PCSK6: variants seen among roughly 807,000 people sequenced by gnomAD.
PCSK6 encodes the protein paired basic amino acid cleaving enzyme 4.
Under a neutral mutation model 123.3 loss-of-function variants are expected in PCSK6, and 85 were observed. That is an observed-to-expected ratio of 0.69 (90% CI 0.58 to 0.83). PCSK6 has a LOEUF of 0.83. PCSK6 is among the 40% of genes least tolerant of loss of function. PCSK6 has a pLI of 0.00. For missense variants in PCSK6, 1,191 were observed against 1,282.3 expected (o/e 0.93, Z 1.09); for synonymous variants, 508 against 516.0 (o/e 0.98, Z 0.21).
At chr15:101,340,320 A>C (rs1370185874) in intron 13 of PCSK6, among the ~76,000 whole-genome samples, 1 of 152,214 alleles carries the variant, frequency 6.6e-6, no homozygotes, top group Non-Finnish European at 1.5e-5. Flanking sequence ...AAAACCCTGA[A>C]AGATGGTATT....
intron 2 of PCSK6, among the ~76,000 whole-genome samples, chr15:101,433,304 C>A (rs191113484): frequency 5.3e-5 from 8 of 152,330 alleles, no homozygotes; most frequent in Admixed American, 2.0e-4. Flanking sequence ...CTCTTATCAT[C>A]CCGTGTACAC....
chr15:101,428,967 C>T (rs1025280631), intron 5 of PCSK6, among the ~76,000 whole-genome samples: 7 of 152,244 alleles, frequency 4.6e-5, no homozygotes, highest in Middle Eastern at 3.2e-3. Flanking sequence ...TTGGGACGTG[C>T]ATGAGGCTGG....
chr15:101,413,074 G>A (rs546308949), intron 6 of PCSK6, among the ~76,000 whole-genome samples: 69 of 152,162 alleles, frequency 4.5e-4, no homozygotes, highest in African/African-American at 1.5e-3. Context: ...AAAAGTTCTC[G>A]AAGAAATAAT....
rs142226809 is a variant in PCSK6 at position 101,364,910 on chromosome 15, A to G, written c.1858+1286T>C. 654 of 665,956 alleles carry G rather than the reference A, an allele frequency of 9.8e-4. 4 individuals are homozygous for G. Among genetic ancestry groups the G allele is most frequent in the African/African-American group, 9.4e-3 (546 of 57,880 alleles). The allele number at this position is 665,956 out of a possible 1,614,324, so 41.3% of individuals were successfully genotyped here. The stretch of plus-strand genomic sequence containing the variant: ...GCACTTTCTTATTTCAAAACTTACT[A>G]CAAAGCTACAGTGATCAAAACAATA... On this transcript the variant is annotated intron_variant, in intron 13 of 21. Transcript: ENST00000611716.
chr15:101,404,896 G>A (rs1448715019), intron 6 of PCSK6, among the ~76,000 whole-genome samples: 1 of 152,148 alleles, frequency 6.6e-6, no homozygotes, highest in Non-Finnish European at 1.5e-5. Flanking sequence ...TATAGGTGTT[G>A]AAATGCCTAT....
chr15:101,482,173 C>A (rs2141268368), intron 1 of PCSK6, among the ~76,000 whole-genome samples: 1 of 152,376 alleles, frequency 6.6e-6, no homozygotes, highest in Non-Finnish European at 1.5e-5. Context: ...GAAGGTGAGT[C>A]AGAGGGTGTG....
chr15:101,460,147 C>T (rs537183243), intron 1 of PCSK6, among the ~76,000 whole-genome samples: 2 of 152,190 alleles, frequency 1.3e-5, no homozygotes, highest in African/African-American at 4.8e-5. Context: ...AGACCCCCCA[C>T]GATGGCCTGG....
chr15:101,401,050 C>T lies in PCSK6; in HGVS notation c.824-2474G>A, dbSNP rs201224039. Among the ~76,000 whole-genome samples the T allele has an allele frequency of 4.6e-5, 7 of 152,164 alleles. No individual in the cohort carries two copies. The East Asian group carries it at 5.8e-4, about 13-fold the overall frequency. On this transcript the variant is annotated intron_variant, in intron 6 of 21. Transcript: ENST00000611716. The stretch of plus-strand genomic sequence containing the variant: ...GGAGAGGGAGGACCACTCTAGGGCT[C>T]GGCATGTTGACCTTAACACTTAGGT...
At position 101,443,644 on chromosome 15, in the gene PCSK6, T is replaced by C; in HGVS notation, c.314A>G (p.Asp105Gly). 6.2e-7 allele frequency: 1 copy of C among 1,613,552 alleles called. No individual in the cohort carries two copies. Among genetic ancestry groups the C allele is most frequent in the Non-Finnish European group, 8.5e-7 (1 of 1,179,476 alleles). ...TTTGCTGTGATAAAAATGGTAGTAATCTTCCAGGTTTCCAATCTGCAAGAC... is the reference window on the plus strand; with the variant it reads ...TTTGCTGTGATAAAAATGGTAGTAACCTTCCAGGTTTCCAATCTGCAAGAC... ...LNLGQIGNLE[D>G]YYHFYHSKTF... Residue 105 changes from aspartate to glycine, a missense_variant, in exon 2 of 22, where the codon GAT becomes GGT. Transcript: ENST00000611716.
intron 13 of PCSK6, chr15:101,365,940 A>G (rs1596239700): frequency 3.2e-6 from 1 of 309,178 alleles, no homozygotes; most frequent in Non-Finnish European, 5.9e-6. Context: ...CTTCATGGGT[A>G]TGGGGTTTCT....
intron 1 of PCSK6, among the ~76,000 whole-genome samples, chr15:101,452,802 G>A (rs896782375): frequency 3.3e-5 from 3 of 90,362 alleles, no homozygotes; most frequent in Non-Finnish European, 3.9e-5. Context: ...CCTTACAACT[G>A]ATAAAGACCG....
intron 2 of PCSK6, among the ~76,000 whole-genome samples, chr15:101,442,106 T>A (rs924555737): frequency 6.6e-6 from 1 of 152,206 alleles, no homozygotes; most frequent in Non-Finnish European, 1.5e-5. Context: ...TTAAATATAC[T>A]GGCCCCTTTG....
intron 16 of PCSK6, among the ~76,000 whole-genome samples, chr15:101,325,821 G>A (rs1406152913): frequency 3.3e-5 from 5 of 152,200 alleles, no homozygotes; most frequent in Admixed American, 6.5e-5. Flanking sequence ...AGCCTGAACC[G>A]GGCAACTGGC....
chr15:101,399,476 C>T (rs973745405), intron 6 of PCSK6, among the ~76,000 whole-genome samples: 1 of 152,110 alleles, frequency 6.6e-6, no homozygotes, highest in African/African-American at 2.4e-5. Context: ...CCAGCTTCCT[C>T]GAGAGCACCC....
intron 13 of PCSK6, among the ~76,000 whole-genome samples, chr15:101,349,107 CAGGGT>C (rs905547045): frequency 2.9e-4 from 44 of 152,210 alleles, no homozygotes; most frequent in African/African-American, 1.0e-3. Context: ...CACAGAAGCA[CAGGGT>C]AGAGTCAGGT....
rs374657690 is a variant in PCSK6, at chr15:101,304,611, G to T, written c.*647C>A. 6.6e-6 allele frequency: 1 copy of T among 152,348 alleles called. No individual in the cohort carries two copies. The highest frequency in any genetic ancestry group is 2.4e-5 in the African/African-American group (1 of 41,434). The allele number at this position is 152,348 out of a possible 1,614,324, so 9.4% of individuals were successfully genotyped here. On this transcript the variant is annotated 3_prime_UTR_variant, in exon 22 of 22. Coordinates refer to ENST00000611716, the MANE Select transcript of PCSK6 (RefSeq NM_002570.5). The stretch of plus-strand genomic sequence containing the variant: ...CTTGCTCAAAGGAGAGCGCTGCGGG[G>T]GATAGAATCTTCTGGTCTGGCTTTG...
chr15:101,425,350 C>T (rs1011808014), intron 6 of PCSK6, among the ~76,000 whole-genome samples: 2 of 152,158 alleles, frequency 1.3e-5, no homozygotes, highest in Non-Finnish European at 2.9e-5. Flanking sequence ...TCCTGGTTCT[C>T]CCTCCAAGCC....
At chr15:101,444,756 G>A (rs750891368) in intron 1 of PCSK6, among the ~76,000 whole-genome samples, 3 of 152,126 alleles carry the variant, frequency 2.0e-5, no homozygotes, top group Non-Finnish European at 4.4e-5. Context: ...AAGCCTACCC[G>A]ACTCACAACT....
chr15:101,433,029 A>G (rs1160803302), intron 2 of PCSK6, among the ~76,000 whole-genome samples: 1 of 152,254 alleles, frequency 6.6e-6, no homozygotes, highest in Admixed American at 6.5e-5. Context: ...ATGTCTTTCA[A>G]TCAGCATGAT....
Sources: gnomAD v4.1 joint callset for allele counts (sites outside exome capture counted in the v4.1 genomes callset) on GRCh38, gnomAD v4.1.1 for gene constraint, MANE v1.5 for transcripts, NCBI Gene and HGNC (gene_info 2026-07-23, HGNC 2026-07-21) for gene names.